SDC2: variants seen among roughly 807,000 people sequenced by gnomAD.
The protein encoded by SDC2 is syndecan 2.
SDC2 carries 13 observed loss-of-function variants against 22.2 expected under a neutral mutation model. The ratio of observed to expected loss-of-function variants is 0.59; its 90% CI spans 0.38 to 0.93. The LOEUF (loss-of-function observed/expected upper bound fraction) is 0.93, where lower values mean the gene tolerates loss of function less well. Among genes scored for constraint, SDC2 ranks in the 40% least tolerant of loss-of-function variants. SDC2 has a pLI of 0.00. For synonymous variants in SDC2, 94 were observed against 92.8 expected (o/e 1.01, Z -0.07); for missense variants, 235 against 246.8 (o/e 0.95, Z 0.32).
intron 2 of SDC2, among the ~76,000 whole-genome samples, chr8:96,599,978 A>C (rs997275450): frequency 2.0e-5 from 3 of 152,148 alleles, no homozygotes; most frequent in African/African-American, 7.2e-5. Flanking sequence ...CCGTCTCAAC[A>C]ACAAAAAATA....
intron 1 of SDC2, among the ~76,000 whole-genome samples, chr8:96,572,615 C>T (rs1814415608): frequency 6.6e-6 from 1 of 152,108 alleles, no homozygotes; most frequent in African/African-American, 2.4e-5. Flanking sequence ...ACAAAGGCCC[C>T]ATGTTATGTA....
chr8:96,538,645 G>A (rs1461502280), intron 1 of SDC2: 1 of 152,228 alleles, frequency 6.6e-6, no homozygotes. Context: ...AGTTGAAGGA[G>A]GGACAGTTTC....
intron 1 of SDC2, among the ~76,000 whole-genome samples, chr8:96,558,916 A>G (rs973788713): frequency 6.6e-6 from 1 of 152,190 alleles, no homozygotes; most frequent in African/African-American, 2.4e-5. Context: ...AAGAACCTCA[A>G]TGAAAAATCT....
chr8:96,547,694 T>C (rs1431283614), intron 1 of SDC2, among the ~76,000 whole-genome samples: 1 of 152,202 alleles, frequency 6.6e-6, no homozygotes. Context: ...AAGGATTCTT[T>C]TTGTTAATAT....
At chr8:96,544,764 C>T (rs1363997860) in intron 1 of SDC2, among the ~76,000 whole-genome samples, 1 of 152,206 alleles carries the variant, frequency 6.6e-6, no homozygotes, top group Non-Finnish European at 1.5e-5. Context: ...GACATGGTTA[C>T]ACCCACTCAT....
chr8:96,564,134 T>G (rs992085563), intron 1 of SDC2, among the ~76,000 whole-genome samples: 1 of 152,206 alleles, frequency 6.6e-6, no homozygotes, highest in African/African-American at 2.4e-5. Context: ...CCAGTTGTAC[T>G]GGTAAAAGGT....
intron 1 of SDC2, among the ~76,000 whole-genome samples, chr8:96,494,614 T>G (rs1813019632): frequency 6.6e-6 from 1 of 151,986 alleles, no homozygotes; most frequent in Non-Finnish European, 1.5e-5. Context: ...CCCAACTTCT[T>G]CGCCCTCGGC....
intron 1 of SDC2, among the ~76,000 whole-genome samples, chr8:96,581,530 G>A (rs1315790606): frequency 1.3e-5 from 2 of 152,100 alleles, no homozygotes; most frequent in African/African-American, 2.4e-5. Flanking sequence ...TACTTGAGAG[G>A]CTGAGACAGG....
At chr8:96,518,268 G>GAT (rs1311166230) in intron 1 of SDC2, among the ~76,000 whole-genome samples, 1 of 151,044 alleles carries the variant, frequency 6.6e-6, no homozygotes, top group Non-Finnish European at 1.5e-5. Flanking sequence ...AAAAATGCCT[G>GAT]ACAGAAAAAA....
At chr8:96,538,578 CCAATTCTATTG>C (rs1813793704) in intron 1 of SDC2, 1 of 152,096 alleles carries the variant, frequency 6.6e-6, no homozygotes, top group Non-Finnish European at 1.5e-5. Context: ...TTATCTGCTT[CCAATTCTATTG>C]CATATGAAAA....
chr8:96,505,184 A>ACTTAGCTAAAACTTGCATACAAGTTGG (rs1813220771), intron 1 of SDC2, among the ~76,000 whole-genome samples: 1 of 152,240 alleles, frequency 6.6e-6, no homozygotes, highest in East Asian at 1.9e-4. Context: ...CCTGAATAAT[A>ACTTAGCTAAAACTTGCATACAAGTTGG]CTTAGCTAAA....
At chr8:96,508,333 A>G (rs1186674331) in intron 1 of SDC2, among the ~76,000 whole-genome samples, 1 of 97,110 alleles carries the variant, frequency 1.0e-5, no homozygotes, top group Non-Finnish European at 2.2e-5. Flanking sequence ...TAATAATAAT[A>G]ATAATAATAA....
chr8:96,509,301 G>A (rs1425179997), intron 1 of SDC2, among the ~76,000 whole-genome samples: 2 of 142,244 alleles, frequency 1.4e-5, no homozygotes, highest in African/African-American at 2.5e-5. Flanking sequence ...TAGACTCTCA[G>A]TGTTGATGAT....
chr8:96,532,376 T>C (rs568063292), intron 1 of SDC2, among the ~76,000 whole-genome samples: 2 of 145,450 alleles, frequency 1.4e-5, no homozygotes, highest in African/African-American at 2.6e-5. Context: ...GGATTATTAT[T>C]ACCAGATGCC....
chr8:96,557,495 AATC>A (rs1421448324), intron 1 of SDC2, among the ~76,000 whole-genome samples: 1 of 149,878 alleles, frequency 6.7e-6, no homozygotes, highest in African/African-American at 2.4e-5. Flanking sequence ...TGAAATTGGA[AATC>A]ATCATTCTCA....
At chr8:96,572,557 T>G (rs1327896865) in intron 1 of SDC2, among the ~76,000 whole-genome samples, 1 of 152,130 alleles carries the variant, frequency 6.6e-6, no homozygotes, top group East Asian at 1.9e-4. Context: ...TGGCTAGATA[T>G]TTCCTCATAA....
chr8:96,567,913 A>G (rs1055416117), intron 1 of SDC2, among the ~76,000 whole-genome samples: 1 of 152,154 alleles, frequency 6.6e-6, no homozygotes, highest in Admixed American at 6.5e-5. Context: ...CAATGGCTTT[A>G]TCCTCACTTT....
intron 1 of SDC2, among the ~76,000 whole-genome samples, chr8:96,586,995 T>A (rs1814697288): frequency 6.6e-6 from 1 of 152,204 alleles, no homozygotes. Flanking sequence ...CAATCTCGGC[T>A]CACTGCAACC....
At chr8:96,574,568 C>G (rs960218126) in intron 1 of SDC2, among the ~76,000 whole-genome samples, 2 of 152,142 alleles carry the variant, frequency 1.3e-5, no homozygotes, top group African/African-American at 4.8e-5. Context: ...TTACCAGGTA[C>G]AAAATCTCCA....
Sources: gnomAD v4.1 joint callset for allele counts (sites outside exome capture counted in the v4.1 genomes callset) on GRCh38, gnomAD v4.1.1 for gene constraint, MANE v1.5 for transcripts, NCBI Gene and HGNC (gene_info 2026-07-23, HGNC 2026-07-21) for gene names.